The following LPIN1 variants were observed in gnomAD, a reference collection of about 807,000 sequenced individuals.
The protein encoded by LPIN1 is lipin 1.
LPIN1 carries 71 observed loss-of-function variants against 107.5 expected under a neutral mutation model. That is an observed-to-expected ratio of 0.66 (90% CI 0.55 to 0.80). LPIN1 has a LOEUF of 0.80. Ranked by LOEUF, LPIN1 falls within the 30% of genes least tolerant of loss-of-function variation. The probability of loss-of-function intolerance (pLI) is 0.00; values close to 1 mark genes in which losing one functional copy is unlikely to be tolerated. For missense variants in LPIN1, 1,043 were observed against 1,160.6 expected (o/e 0.90, Z 1.47); for synonymous variants, 445 against 452.6 (o/e 0.98, Z 0.21).
chr2:11,741,448 AGTTCT>A, intron 2 of LPIN1: 1 of 1,511,432 alleles, frequency 6.6e-7, no homozygotes, highest in Non-Finnish European at 9.0e-7. Context: ...GCTGTTCAGT[AGTTCT>A]ATTACTGTTA....
chr2:11,729,525 G>C (rs1443488006), intron 1 of LPIN1, among the ~76,000 whole-genome samples: 1 of 152,180 alleles, frequency 6.6e-6, no homozygotes, highest in African/African-American at 2.4e-5. Context: ...GGCCATATCT[G>C]TTCTGGCACT....
At position 11,766,996 on chromosome 2, in the gene LPIN1, C is replaced by T. The variant is rs142153321; in HGVS notation, c.193-767C>T. Among the ~76,000 whole-genome samples, 99 of 152,182 alleles carry T rather than the reference C, an allele frequency of 6.5e-4. 1 individual carries two copies. The East Asian group carries it at 0.013, about 20-fold the overall frequency. On this transcript the variant is annotated intron_variant, in intron 2 of 20. Coordinates refer to ENST00000674199, the MANE Select transcript of LPIN1 (RefSeq NM_001349206.2). ...GCATCTCCTTGTCCCAGAGGGGGTC[C>T]GTTCAGTCAGTTGCGAGCTTAGAAT...
At chr2:11,790,751 C>T (rs933251938) in intron 12 of LPIN1, among the ~76,000 whole-genome samples, 3 of 152,300 alleles carry the variant, frequency 2.0e-5, no homozygotes, top group Admixed American at 1.3e-4. Context: ...TTCTGGACTT[C>T]GTTTTCTGTT....
At chr2:11,811,900 G>A (rs780504913) in intron 17 of LPIN1, among the ~76,000 whole-genome samples, 69 of 152,240 alleles carry the variant, frequency 4.5e-4, no homozygotes, top group African/African-American at 9.1e-4. Context: ...CAGGAGAATC[G>A]CTTGAACCCG....
rs114328548 is a variant in LPIN1 at position 11,800,359 on chromosome 2, A to G, written c.1887-2548A>G. Among the ~76,000 whole-genome samples the G allele has an allele frequency of 2.6e-3, 399 of 152,196 alleles. 5 individuals are homozygous for G. Among genetic ancestry groups the G allele is most frequent in the African/African-American group, 9.2e-3 (382 of 41,532 alleles). On this transcript the variant is annotated intron_variant, in intron 14 of 20. Transcript: ENST00000674199. ...AGAAGTGGAGGTGCTGTGGGACACTATCCTCCTTCATGTCTCCCCAGTATT... is the reference window on the plus strand; with the variant it reads ...AGAAGTGGAGGTGCTGTGGGACACTGTCCTCCTTCATGTCTCCCCAGTATT...
chr2:11,726,769 G>A (rs80129603), intron 1 of LPIN1, among the ~76,000 whole-genome samples: 4,945 of 152,206 alleles, frequency 0.032, 103 homozygotes, highest in Non-Finnish European at 0.045. Flanking sequence ...TCTGATCTAC[G>A]ATCCTCAATG....
At chr2:11,701,005 C>G (rs550823444) in intron 1 of LPIN1, among the ~76,000 whole-genome samples, 1 of 152,266 alleles carries the variant, frequency 6.6e-6, no homozygotes, top group South Asian at 2.1e-4. Context: ...CTCTGTGCAG[C>G]CTCTCCCTTC....
At position 11,771,792 on chromosome 2, in the gene LPIN1, C is replaced by A; in HGVS notation, c.596+113C>A. The A allele has an allele frequency of 8.7e-7, 1 of 1,148,396 alleles. No individual in the cohort carries two copies. Among genetic ancestry groups the A allele is most frequent in the Non-Finnish European group, 1.2e-6 (1 of 812,648 alleles). The allele number at this position is 1,148,396 out of a possible 1,614,324, so 71.1% of individuals were successfully genotyped here. A position where few individuals can be genotyped will look rare whatever the true frequency, so the allele number is the denominator to read the frequency against. On this transcript the variant is annotated intron_variant, in intron 4 of 20. Coordinates refer to ENST00000674199, the MANE Select transcript of LPIN1 (RefSeq NM_001349206.2). The surrounding 1 kb of genome is among the most constrained non-coding windows in gnomAD (Gnocchi z 4.8). Reference sequence around the variant, plus strand: ...CCTTATTCTTTTATGTGTTTTAGACCAGTGGTCCCCAACCTTTTTGGCACT... The same window carrying A: ...CCTTATTCTTTTATGTGTTTTAGACAAGTGGTCCCCAACCTTTTTGGCACT...
At position 11,803,744 on chromosome 2, in the gene LPIN1, G is replaced by A. The variant is rs1313001103; in HGVS notation, c.2014-679G>A. 1.3e-5 allele frequency among the ~76,000 whole-genome samples: 2 copies of A among 151,938 alleles called. No homozygotes were observed. The highest frequency in any genetic ancestry group is 2.9e-5 in the Non-Finnish European group (2 of 67,984). ...TCTGTGTGACTCACTGCTCCCACTG[G>A]CGACACTGGGGACACCTGCAGTCAG... On this transcript the variant is annotated intron_variant, in intron 15 of 20. Transcript: ENST00000674199. This position sits in a 1 kb window ranked among gnomAD's most constrained non-coding sequence, Gnocchi z 4.2.
At chr2:11,763,606 A>G (rs1022257419) in intron 1 of LPIN1, among the ~76,000 whole-genome samples, 1 of 151,758 alleles carries the variant, frequency 6.6e-6, no homozygotes, top group Non-Finnish European at 1.5e-5. Flanking sequence ...CAGTCTTTAC[A>G]TTGTTACGGT....
chr2:11,792,139 C>A, intron 13 of LPIN1, 133 bp downstream of exon 13: 1 of 790,812 alleles, frequency 1.3e-6, no homozygotes, highest in Non-Finnish European at 2.1e-6. Context: ...CCAGCTCTGC[C>A]ATGAAGTAGG....
chr2:11,808,863 A>G (rs1679165419), intron 17 of LPIN1, among the ~76,000 whole-genome samples: 2 of 144,508 alleles, frequency 1.4e-5, no homozygotes, highest in Non-Finnish European at 3.1e-5. Flanking sequence ...AGAGTGAGAC[A>G]CCATCTCAAA....
At chr2:11,748,673 C>A (rs1252556962) in intron 1 of LPIN1, among the ~76,000 whole-genome samples, 1 of 152,184 alleles carries the variant, frequency 6.6e-6, no homozygotes, top group African/African-American at 2.4e-5. Flanking sequence ...ACCCCCTCCC[C>A]CTGCCTGCCA....
At chr2:11,770,183 G>T (rs895462282) in intron 3 of LPIN1, among the ~76,000 whole-genome samples, 3 of 152,236 alleles carry the variant, frequency 2.0e-5, no homozygotes, top group Non-Finnish European at 4.4e-5. Flanking sequence ...GGCCATCGGA[G>T]CTGAGGAAGC....
At chr2:11,810,150 C>G (rs1300937235) in intron 17 of LPIN1, among the ~76,000 whole-genome samples, 2 of 152,180 alleles carry the variant, frequency 1.3e-5, no homozygotes, top group Non-Finnish European at 2.9e-5. Context: ...TCTCTCCCTT[C>G]AAGAAGCTTG....
At chr2:11,687,395 C>T (rs1002643371) in intron 1 of LPIN1, among the ~76,000 whole-genome samples, 3 of 152,190 alleles carry the variant, frequency 2.0e-5, no homozygotes, top group Admixed American at 1.3e-4. Context: ...GAAATAAATA[C>T]GACTGTGAGA....
At chr2:11,699,938 TA>T (rs543512076) in intron 1 of LPIN1, among the ~76,000 whole-genome samples, 18 of 149,070 alleles carry the variant, frequency 1.2e-4, no homozygotes, top group East Asian at 5.9e-4. Context: ...TTTCTTCAAT[TA>T]AAAAAAAAAT....
chr2:11,691,856 AC>A (rs1241315406), intron 1 of LPIN1, among the ~76,000 whole-genome samples: 2 of 152,246 alleles, frequency 1.3e-5, no homozygotes, highest in Non-Finnish European at 2.9e-5. Context: ...TGTGCTTGAT[AC>A]ACTATTACCC....
intron 8 of LPIN1, 45 bp downstream of exon 8, chr2:11,782,552 G>A (rs769415018): frequency 1.2e-6 from 2 of 1,609,668 alleles, no homozygotes; most frequent in South Asian, 1.1e-5. Context: ...TTCATAGTTT[G>A]TGCTCACTCT....
Sources: allele counts gnomAD v4.1 joint callset (sites outside exome capture counted in the v4.1 genomes callset), GRCh38; gene constraint gnomAD v4.1.1; non-coding constraint Gnocchi (gnomAD v3.1); transcripts MANE v1.5; gene names NCBI Gene and HGNC (gene_info 2026-07-23, HGNC 2026-07-21).